The following ACSS2 variants were observed in gnomAD, a reference collection of about 807,000 sequenced individuals.
The protein encoded by ACSS2 is acyl-CoA synthetase short chain family member 2.
A neutral mutation model predicts 90.6 loss-of-function variants in ACSS2; 58 were observed. The ratio of observed to expected loss-of-function variants is 0.64; its 90% CI spans 0.52 to 0.80. The LOEUF (loss-of-function observed/expected upper bound fraction) is 0.80, where lower values mean the gene tolerates loss of function less well. ACSS2 is among the 30% of genes least tolerant of loss of function. ACSS2 has a pLI of 0.00. For synonymous variants in ACSS2, 300 were observed against 330.9 expected, an observed-to-expected ratio of 0.91 and a Z score of 1.01; for missense variants, 759 against 912.0, an observed-to-expected ratio of 0.83 and a Z score of 2.16.
chr20:34,880,754 G>A (rs551342667), intron 1 of ACSS2, among the ~76,000 whole-genome samples: 162 of 151,956 alleles, frequency 1.1e-3, no homozygotes, highest in Non-Finnish European at 2.1e-3. Flanking sequence ...CCTTGGGGTT[G>A]ATTTAATTTG....
intron 2 of ACSS2, among the ~76,000 whole-genome samples, chr20:34,906,169 A>G (rs2080798054): frequency 6.6e-6 from 1 of 152,138 alleles, no homozygotes; most frequent in Non-Finnish European, 1.5e-5. Context: ...CCCCGTCTCT[A>G]CTAAATATAC....
At chr20:34,917,841 T>A (rs994141958) in intron 7 of ACSS2, among the ~76,000 whole-genome samples, 4 of 151,652 alleles carry the variant, frequency 2.6e-5, no homozygotes, top group African/African-American at 9.7e-5. Flanking sequence ...CAACTTCTGC[T>A]TCCTGGTTTC....
rs201029403 is a variant in ACSS2 at position 34,920,583 on chromosome 20, A to T, written c.1017A>T (p.Thr339=). 6.2e-7 allele frequency: 1 copy of T among 1,614,208 alleles called. No individual in the cohort carries two copies. The highest frequency in any genetic ancestry group is 8.5e-7 in the Non-Finnish European group (1 of 1,180,024). ...GGGGCTACATGCTCTATGTAGCCAC[A>T]ACCTTCAAGTATGTGTTTGACTTCC... ...TVGGYMLYVA[T]TFKYVFDFHA... Residue 339 remains threonine (T), a synonymous_variant, in exon 9 of 18, where the codon ACA becomes ACT. Transcript: ENST00000360596.
chr20:34,925,676 T>G, intron 14 of ACSS2, 22 bp from the exon 15 acceptor site: 1 of 1,608,622 alleles, frequency 6.2e-7, no homozygotes, highest in Non-Finnish European at 8.5e-7. Flanking sequence ...TTTTATTTAT[T>G]AGGTTTTGCA....
intron 2 of ACSS2, among the ~76,000 whole-genome samples, chr20:34,910,193 A>G (rs752315223): frequency 6.6e-6 from 1 of 152,122 alleles, no homozygotes; most frequent in Non-Finnish European, 1.5e-5. Context: ...TTGGTCTTCA[A>G]TGATATCTCA....
chr20:34,905,528 G>A (rs1434702057), intron 2 of ACSS2, among the ~76,000 whole-genome samples: 1 of 152,192 alleles, frequency 6.6e-6, no homozygotes, highest in Non-Finnish European at 1.5e-5. Context: ...CCAGAGTGCT[G>A]GGATTACAGG....
rs967034032 is a variant in ACSS2 at position 34,925,750 on chromosome 20, C to T, written c.1710C>T (p.Asp570=). Residue 570 remains aspartate (D), a synonymous_variant, in exon 15 of 18, where the codon GAC becomes GAT. Transcript: ENST00000360596. ...ACTGGATCACTGGCAGGATTGATGA[C>T]ATGCTCAATGTATCTGGTGAGGGCC... The part of the protein sequence containing the change: ...GYYWITGRID[D]MLNVSGHLLS... The T allele has an allele frequency of 1.4e-5, 23 of 1,613,278 alleles. No individual in the cohort carries two copies. Among genetic ancestry groups the T allele is most frequent in the African/African-American group, 1.1e-4 (8 of 74,922 alleles).
rs754226756 is a variant in ACSS2 at position 34,913,188 on chromosome 20, G to T, written c.466+1G>T. The T allele has an allele frequency of 6.2e-7, 1 of 1,614,104 alleles. No individual in the cohort carries two copies. Among genetic ancestry groups the T allele is most frequent in the South Asian group, 1.1e-5 (1 of 91,080 alleles). Reference sequence around the variant, plus strand: ...TTCAGCAATGTTCTCCGAAAACAGGGTGAGTGTGGGGGTGTGGGAAAGGAC... The same window carrying T: ...TTCAGCAATGTTCTCCGAAAACAGGTTGAGTGTGGGGGTGTGGGAAAGGAC... On this transcript the variant is annotated splice_donor_variant, in intron 3 of 17. Coordinates refer to ENST00000360596, the MANE Select transcript of ACSS2 (RefSeq NM_018677.4). LOFTEE classifies it high-confidence loss of function.
At chr20:34,892,987 A>T (rs574153649) in intron 2 of ACSS2, among the ~76,000 whole-genome samples, 19 of 152,268 alleles carry the variant, frequency 1.2e-4, no homozygotes, top group Non-Finnish European at 2.5e-4. Flanking sequence ...CCCTGGATAT[A>T]CTTTAGTTGG....
At chr20:34,890,098 T>A (rs1255172462) in intron 2 of ACSS2, among the ~76,000 whole-genome samples, 1 of 152,176 alleles carries the variant, frequency 6.6e-6, no homozygotes, top group Non-Finnish European at 1.5e-5. Flanking sequence ...TATAAAGGGC[T>A]TAGTGCTTGG....
At chr20:34,901,429 T>G (rs1387141698) in intron 2 of ACSS2, among the ~76,000 whole-genome samples, 2 of 152,036 alleles carry the variant, frequency 1.3e-5, no homozygotes, top group African/African-American at 4.8e-5. Flanking sequence ...GTGGTTCAGT[T>G]TTTGGGGTGT....
intron 9 of ACSS2, 79 bp from the exon 10 acceptor site, chr20:34,920,927 C>T: frequency 1.9e-6 from 3 of 1,591,240 alleles, no homozygotes; most frequent in Non-Finnish European, 2.6e-6. Context: ...GGGCAAAATA[C>T]TGAACCTGAG....
intron 2 of ACSS2, among the ~76,000 whole-genome samples, chr20:34,897,230 A>G (rs1164725754): frequency 6.6e-6 from 1 of 152,220 alleles, no homozygotes; most frequent in Admixed American, 6.5e-5. Flanking sequence ...TTTATACCAT[A>G]TAATTCACCC....
chr20:34,899,638 G>A (rs923242904), intron 2 of ACSS2, among the ~76,000 whole-genome samples: 4 of 151,714 alleles, frequency 2.6e-5, no homozygotes, highest in Non-Finnish European at 5.9e-5. Flanking sequence ...ACAGGCACTG[G>A]CCACCACGCC....
At chr20:34,926,972 G>A (rs374673797) in intron 17 of ACSS2, 21 bp downstream of exon 17, 1 of 1,614,168 alleles carries the variant, frequency 6.2e-7, no homozygotes, top group Non-Finnish European at 8.5e-7. Flanking sequence ...AGGCCTCCAT[G>A]GATTGGGATG....
chr20:34,905,174 T>A (rs1252942210), intron 2 of ACSS2, among the ~76,000 whole-genome samples: 1 of 152,032 alleles, frequency 6.6e-6, no homozygotes, highest in Non-Finnish European at 1.5e-5. Flanking sequence ...TGCTTTGCCC[T>A]CCCAGAGTGC....
intron 1 of ACSS2, among the ~76,000 whole-genome samples, chr20:34,878,759 C>T (rs2079986531): frequency 6.6e-6 from 1 of 152,134 alleles, no homozygotes; most frequent in African/African-American, 2.4e-5. Context: ...TGCCTAGTTT[C>T]GCCAACTTGA....
chr20:34,878,966 G>A (rs962816922), intron 1 of ACSS2, among the ~76,000 whole-genome samples: 11 of 144,956 alleles, frequency 7.6e-5, no homozygotes, highest in East Asian at 2.0e-4. Flanking sequence ...GTGCAGTGGC[G>A]CGATCTCGGC....
chr20:34,916,074 A>G (rs2081071583), intron 7 of ACSS2, among the ~76,000 whole-genome samples: 1 of 152,238 alleles, frequency 6.6e-6, no homozygotes, highest in African/African-American at 2.4e-5. Flanking sequence ...TAAATCTGCT[A>G]TGATTAACCT....
Sources: allele counts gnomAD v4.1 joint callset (sites outside exome capture counted in the v4.1 genomes callset), GRCh38; gene constraint gnomAD v4.1.1; transcripts MANE v1.5; gene names NCBI Gene and HGNC (gene_info 2026-07-23, HGNC 2026-07-21).